The following RBFOX1 variants were observed in gnomAD, a reference collection of about 807,000 sequenced individuals.
RBFOX1 encodes the protein RNA binding protein fox-1 homolog 1.
RBFOX1 carries 8 observed loss-of-function variants against 57.7 expected under a neutral mutation model. The observed-to-expected ratio is 0.14, with a 90% CI of 0.08 to 0.25. RBFOX1 has a LOEUF of 0.25. Among genes scored for constraint, RBFOX1 ranks in the 10% least tolerant of loss-of-function variants. The probability of loss-of-function intolerance (pLI) is 1.00; values close to 1 mark genes in which losing one functional copy is unlikely to be tolerated. For missense variants in RBFOX1, 611 were observed against 548.5 expected, an observed-to-expected ratio of 1.11 and a Z score of -1.14; for synonymous variants, 326 against 222.4, an observed-to-expected ratio of 1.47 and a Z score of -4.15.
chr16:6,748,433 G>C (rs746240568), intron 3 of RBFOX1, among the ~76,000 whole-genome samples: 1 of 152,132 alleles, frequency 6.6e-6, no homozygotes, highest in Admixed American at 6.5e-5. Context: ...GGCCGAGGCA[G>C]GAGGATTGCA....
At chr16:5,557,605 G>C (rs1380693579) in intron 2 of RBFOX1, among the ~76,000 whole-genome samples, 1 of 152,202 alleles carries the variant, frequency 6.6e-6, no homozygotes, top group Admixed American at 6.5e-5. Context: ...CATGCAAAGT[G>C]TGGGAGAAAG....
intron 4 of RBFOX1, among the ~76,000 whole-genome samples, chr16:7,268,509 G>A (rs556055374): frequency 1.3e-5 from 2 of 152,278 alleles, no homozygotes; most frequent in South Asian, 2.1e-4. Flanking sequence ...GATGCTCTGC[G>A]GTAATATGTT....
rs138839355 is a variant in RBFOX1, at chr16:6,422,490, T to C, written c.-64+105433T>C. Among the ~76,000 whole-genome samples, 396 of 152,204 alleles carry C rather than the reference T, an allele frequency of 2.6e-3. 3 individuals carry two copies. The highest frequency in any genetic ancestry group is 9.2e-3 in the African/African-American group (384 of 41,536). On this transcript the variant is annotated intron_variant, in intron 2 of 15. Transcript: ENST00000550418. ...GTATTAGTCCATTCTCACACTGCTATAAAGAAATGCCTGAGACTGGGTAAT... is the reference window on the plus strand; with the variant it reads ...GTATTAGTCCATTCTCACACTGCTACAAAGAAATGCCTGAGACTGGGTAAT...
chr16:5,510,079 C>T (rs1045368609), intron 2 of RBFOX1, among the ~76,000 whole-genome samples: 11 of 152,194 alleles, frequency 7.2e-5, no homozygotes, highest in Admixed American at 2.6e-4. Context: ...GGGCCCACAG[C>T]GTCGAGCACA....
chr16:5,557,095 C>T (rs62018423), intron 2 of RBFOX1, among the ~76,000 whole-genome samples: 47,304 of 151,176 alleles, frequency 0.31, 8,395 homozygotes, highest in East Asian at 0.73. Flanking sequence ...CCATCTCTAC[C>T]AAGAATACAA....
chr16:7,292,465 A>AT, intron 4 of RBFOX1, among the ~76,000 whole-genome samples: 1 of 144,264 alleles, frequency 6.9e-6, no homozygotes, highest in African/African-American at 2.5e-5. Context: ...TATTATATAT[A>AT]ATATATAATG....
intron 4 of RBFOX1, among the ~76,000 whole-genome samples, chr16:7,107,318 A>G (rs897588468): frequency 1.1e-4 from 17 of 152,260 alleles, no homozygotes; most frequent in Non-Finnish European, 2.2e-4. Flanking sequence ...GCAGACAGAC[A>G]GTAGATATTC....
intron 1 of RBFOX1, among the ~76,000 whole-genome samples, chr16:5,420,589 A>G (rs1016304727): frequency 6.6e-6 from 1 of 150,806 alleles, no homozygotes; most frequent in African/African-American, 2.4e-5. Flanking sequence ...GCCCACTGCA[A>G]TCTTGACCTC....
intron 2 of RBFOX1, among the ~76,000 whole-genome samples, chr16:6,417,934 G>A (rs1805399216): frequency 6.6e-6 from 1 of 152,102 alleles, no homozygotes; most frequent in South Asian, 2.1e-4. Context: ...TTGGAAAGTT[G>A]TATTAATAAC....
intron 2 of RBFOX1, among the ~76,000 whole-genome samples, chr16:6,595,931 T>C (rs1185801111): frequency 6.6e-6 from 1 of 152,166 alleles, no homozygotes; most frequent in African/African-American, 2.4e-5. Context: ...TTAAGTTTTA[T>C]TGTTGGAAAC....
chr16:5,837,419 C>T (rs1223633306), intron 3 of RBFOX1, among the ~76,000 whole-genome samples: 1 of 152,070 alleles, frequency 6.6e-6, no homozygotes, highest in East Asian at 1.9e-4. Flanking sequence ...CAGTCCAAGT[C>T]TGACTCAGAC....
chr16:6,862,056 C>G (rs751430133), intron 3 of RBFOX1, among the ~76,000 whole-genome samples: 4 of 152,008 alleles, frequency 2.6e-5, no homozygotes, highest in African/African-American at 4.8e-5. Context: ...CAGGAAAAAT[C>G]ACAGCAAAAC....
intron 2 of RBFOX1, among the ~76,000 whole-genome samples, chr16:5,532,319 C>G (rs11076921): frequency 0.25 from 38,510 of 152,132 alleles, 6,431 homozygotes; most frequent in East Asian, 0.85. Context: ...ATCGCCATCA[C>G]TTGAGAACCA....
intron 3 of RBFOX1, among the ~76,000 whole-genome samples, chr16:6,914,062 C>G (rs1202159624): frequency 1.3e-5 from 2 of 152,160 alleles, no homozygotes; most frequent in Admixed American, 1.3e-4. Flanking sequence ...GGGTTAGAAA[C>G]CCATCTTTTG....
chr16:7,707,355 C>T (rs960533461), intron 14 of RBFOX1, among the ~76,000 whole-genome samples: 7 of 152,108 alleles, frequency 4.6e-5, no homozygotes, highest in African/African-American at 1.7e-4. Flanking sequence ...ATTGGTATCA[C>T]TTATCTACCA....
intron 13 of RBFOX1, among the ~76,000 whole-genome samples, chr16:7,669,053 C>T (rs553018235): frequency 2.0e-5 from 3 of 152,268 alleles, no homozygotes; most frequent in East Asian, 3.9e-4. Flanking sequence ...TACAGGCACT[C>T]GCCACCATGC....
intron 2 of RBFOX1, among the ~76,000 whole-genome samples, chr16:6,539,574 G>T (rs1198556659): frequency 6.6e-6 from 1 of 152,006 alleles, no homozygotes; most frequent in Non-Finnish European, 1.5e-5. Flanking sequence ...GAGGCAGGCA[G>T]ATCACCTAAG....
At chr16:6,839,229 C>T (rs1004837704) in intron 3 of RBFOX1, among the ~76,000 whole-genome samples, 1 of 152,110 alleles carries the variant, frequency 6.6e-6, no homozygotes, top group Admixed American at 6.5e-5. Flanking sequence ...AAGTGATCCA[C>T]CCGCCTCAGC....
intron 4 of RBFOX1, among the ~76,000 whole-genome samples, chr16:7,512,429 C>G (rs979064822): frequency 1.3e-5 from 2 of 152,220 alleles, no homozygotes; most frequent in South Asian, 2.1e-4. Context: ...GTACAATGGT[C>G]TTAATTAAAT....
Sources: gnomAD v4.1 joint callset for allele counts (sites outside exome capture counted in the v4.1 genomes callset) on GRCh38, gnomAD v4.1.1 for gene constraint, MANE v1.5 for transcripts, NCBI Gene and HGNC (gene_info 2026-07-23, HGNC 2026-07-21) for gene names.